Variants in NUAK1 observed in about 807,000 individuals in gnomAD.
NUAK1 encodes NUAK family SNF1-like kinase 1.
In NUAK1, 26 loss-of-function variants were observed where a neutral mutation model predicts 56.9. The ratio of observed to expected loss-of-function variants is 0.46; its 90% CI spans 0.33 to 0.63. The LOEUF (loss-of-function observed/expected upper bound fraction) is 0.63, where lower values mean the gene tolerates loss of function less well. NUAK1 is among the 30% of genes least tolerant of loss of function. NUAK1 has a pLI of 0.02. For synonymous variants in NUAK1, 337 were observed against 336.0 expected (o/e 1.00, Z -0.03); for missense variants, 727 against 876.1 (o/e 0.83, Z 2.15).
intron 1 of NUAK1, among the ~76,000 whole-genome samples, chr12:106,131,101 T>G (rs997723766): frequency 1.3e-5 from 2 of 152,118 alleles, no homozygotes; most frequent in African/African-American, 4.8e-5. Flanking sequence ...GAACCAGAGG[T>G]TGGAATCTTA....
chr12:106,122,554 C>A (rs571976585), intron 1 of NUAK1, among the ~76,000 whole-genome samples: 2 of 152,094 alleles, frequency 1.3e-5, no homozygotes, highest in African/African-American at 4.8e-5. Context: ...GATTGGATAA[C>A]AAGAAAAGAA....
intron 2 of NUAK1, among the ~76,000 whole-genome samples, chr12:106,097,113 C>A (rs2032703617): frequency 6.6e-6 from 1 of 152,174 alleles, no homozygotes; most frequent in African/African-American, 2.4e-5. Context: ...CAATTTTATT[C>A]ATTAGCTCAT....
chr12:106,122,705 C>T (rs2032990174), intron 1 of NUAK1, among the ~76,000 whole-genome samples: 1 of 152,152 alleles, frequency 6.6e-6, no homozygotes, highest in Non-Finnish European at 1.5e-5. Flanking sequence ...AAAATAAAGA[C>T]CATGGACTTC....
chr12:106,072,354 T>C (rs1421495225), intron 5 of NUAK1, among the ~76,000 whole-genome samples: 1 of 152,260 alleles, frequency 6.6e-6, no homozygotes, highest in Non-Finnish European at 1.5e-5. Flanking sequence ...GTTTTCATAG[T>C]AAAGGGCAAG....
chr12:106,067,239 G>C lies in NUAK1; in HGVS notation c.1549C>G (p.Leu517Val), dbSNP rs1592846464. 6.2e-7 allele frequency: 1 copy of C among 1,614,142 alleles called. No homozygotes were observed. The highest frequency in any genetic ancestry group is 8.5e-7 in the Non-Finnish European group (1 of 1,180,020). ...PDPARVTSHS[L>V]SCRRKGILKH... Reference sequence around the variant, plus strand: ...AAGATGCCCTTCCTCCGGCAGGAGAGGCTGTGGGAGGTTACCCTGGCTGGG... The same window carrying C: ...AAGATGCCCTTCCTCCGGCAGGAGACGCTGTGGGAGGTTACCCTGGCTGGG... Residue 517 changes from leucine (L) to valine (V), a missense_variant, in exon 7 of 7, where the codon CTC becomes GTC. Physicochemically the swap from Leu to Val is conservative, Grantham distance 32. Transcript: ENST00000261402. The surrounding 1 kb of genome is among the most constrained non-coding windows in gnomAD (Gnocchi z 6.0).
intron 1 of NUAK1, among the ~76,000 whole-genome samples, chr12:106,109,633 T>C (rs893223996): frequency 1.3e-5 from 2 of 151,836 alleles, no homozygotes; most frequent in African/African-American, 4.8e-5. Flanking sequence ...AAGGATACAC[T>C]GAGCCAGTGC....
chr12:106,096,737 C>T (rs1336511475), intron 2 of NUAK1, among the ~76,000 whole-genome samples: 2 of 152,190 alleles, frequency 1.3e-5, no homozygotes, highest in East Asian at 1.9e-4. Flanking sequence ...TGGTGACCGC[C>T]GCCAGACACA....
chr12:106,128,281 G>A (rs988252473), intron 1 of NUAK1, among the ~76,000 whole-genome samples: 2 of 152,078 alleles, frequency 1.3e-5, no homozygotes, highest in East Asian at 1.9e-4. Context: ...ACTGGTGTGC[G>A]CCACTGTGCC....
Position 106,138,303 on chromosome 12 carries a change from C to G in NUAK1, c.240+111G>C, listed in dbSNP as rs998420742. ...CTGTCTCGGGGCTTCCCAATGAGCC[C>G]CCTCTCTGTCAAGAGAGCCCCAGGG... On this transcript the variant is annotated intron_variant, in intron 1 of 6. Coordinates refer to ENST00000261402, the MANE Select transcript of NUAK1 (RefSeq NM_014840.3). The surrounding 1 kb of genome is among the most constrained non-coding windows in gnomAD (Gnocchi z 5.0). The G allele has an allele frequency of 5.0e-6, 7 of 1,393,596 alleles. No individual in the cohort carries two copies. In the African/African-American group the frequency reaches 8.7e-5, roughly 17 times the overall value. 86.3% of individuals were successfully genotyped at this position (1,393,596 alleles called of 1,614,324 possible).
chr12:106,079,641 G>A (rs1297122956), intron 4 of NUAK1, among the ~76,000 whole-genome samples: 1 of 152,186 alleles, frequency 6.6e-6, no homozygotes, highest in Non-Finnish European at 1.5e-5. Flanking sequence ...TATACCAGGG[G>A]CCTTCCCTGA....
chr12:106,138,847 GCACGGTCCGCGCA>G lies in NUAK1; in HGVS notation c.-207_-195del. On this transcript the variant is annotated 5_prime_UTR_variant, in exon 1 of 7. Transcript: ENST00000261402. This position sits in a 1 kb window ranked among gnomAD's most constrained non-coding sequence, Gnocchi z 5.0. Reference sequence around the variant, plus strand: ...ACTGCACATCTGGCGCCCGCGGCGCGCACGGTCCGCGCACCGCCCCCCGGCCGCGGCGAGCTGT... The same window carrying G: ...ACTGCACATCTGGCGCCCGCGGCGCGCCGCCCCCCGGCCGCGGCGAGCTGT... The G allele has an allele frequency of 1.5e-6, 1 of 670,192 alleles. No individual in the cohort carries two copies. 41.5% of individuals were successfully genotyped at this position (670,192 alleles called of 1,614,324 possible).
intron 1 of NUAK1, among the ~76,000 whole-genome samples, chr12:106,109,485 C>T (rs1013079066): frequency 1.3e-5 from 2 of 148,884 alleles, no homozygotes; most frequent in Middle Eastern, 3.5e-3. Flanking sequence ...TTATTAGCCA[C>T]ATATTCAGCC....
intron 6 of NUAK1, among the ~76,000 whole-genome samples, chr12:106,069,169 T>G (rs557703270): frequency 5.9e-5 from 9 of 152,334 alleles, no homozygotes; most frequent in African/African-American, 1.9e-4. Flanking sequence ...TTGCTAAAAT[T>G]TATTGGTAAC....
At chr12:106,104,356 A>G (rs7964234) in intron 2 of NUAK1, 85,124 of 152,140 alleles carry the variant, frequency 0.56, 24,760 homozygotes, top group African/African-American at 0.74. Context: ...GTGAGCCATC[A>G]TGTCCAGCCT....
intron 1 of NUAK1, among the ~76,000 whole-genome samples, chr12:106,137,419 C>A (rs2033140043): frequency 6.6e-6 from 1 of 152,188 alleles, no homozygotes; most frequent in Admixed American, 6.5e-5. Context: ...TGATCTGCTT[C>A]AAATCAAAGA....
chr12:106,112,777 G>A (rs78947142), intron 1 of NUAK1, among the ~76,000 whole-genome samples: 1,742 of 152,264 alleles, frequency 0.011, 37 homozygotes, highest in African/African-American at 0.04. Flanking sequence ...GCTCTGAGGC[G>A]AGGCACTGAA....
chr12:106,064,787 A>ACCC lies in NUAK1; in HGVS notation c.*2012_*2014dup, dbSNP rs201301314. 8 of 108,010 alleles carry ACCC rather than the reference A, an allele frequency of 7.4e-5. No homozygotes were observed. The highest frequency in any genetic ancestry group is 1.5e-4 in the Non-Finnish European group (7 of 47,700). The allele number at this position is 108,010 out of a possible 1,614,324, so 6.7% of individuals were successfully genotyped here. A position where few individuals can be genotyped will look rare whatever the true frequency, so the allele number is the denominator to read the frequency against. ...TGCAGGTTGTCCTCCATGCACCCAC[A>ACCC]CCCCCACCCCCCCCCACACACACAA... On this transcript the variant is annotated 3_prime_UTR_variant, in exon 7 of 7. Coordinates refer to ENST00000261402, the MANE Select transcript of NUAK1 (RefSeq NM_014840.3).
intron 1 of NUAK1, among the ~76,000 whole-genome samples, chr12:106,128,059 A>T (rs540508757): frequency 6.6e-6 from 1 of 152,056 alleles, no homozygotes; most frequent in South Asian, 2.1e-4. Flanking sequence ...ACAGTTGATT[A>T]TCTCAAGGTT....
At chr12:106,099,226 G>T (rs1476038658) in intron 2 of NUAK1, among the ~76,000 whole-genome samples, 1 of 152,176 alleles carries the variant, frequency 6.6e-6, no homozygotes, top group African/African-American at 2.4e-5. Context: ...AATTATTTTT[G>T]AGATTGGGTG....
Sources: allele counts gnomAD v4.1 joint callset (sites outside exome capture counted in the v4.1 genomes callset), GRCh38; gene constraint gnomAD v4.1.1; non-coding constraint Gnocchi (gnomAD v3.1); transcripts MANE v1.5; gene names NCBI Gene and HGNC (gene_info 2026-07-23, HGNC 2026-07-21).